Variants in NFIB observed in about 807,000 individuals in gnomAD.
The protein encoded by NFIB is nuclear factor I B.
Under a neutral mutation model 61.5 loss-of-function variants are expected in NFIB, and 11 were observed. That is an observed-to-expected ratio of 0.18 (90% CI 0.11 to 0.30). NFIB has a LOEUF of 0.30. Among genes scored for constraint, NFIB ranks in the 10% least tolerant of loss-of-function variants. NFIB has a pLI of 1.00. For synonymous variants in NFIB, 260 were observed against 216.5 expected (o/e 1.20, Z -1.76); for missense variants, 471 against 608.9 (o/e 0.77, Z 2.38).
intron 10 of NFIB, among the ~76,000 whole-genome samples, chr9:14,092,469 C>A (rs574506805): frequency 6.6e-6 from 1 of 152,176 alleles, no homozygotes; most frequent in South Asian, 2.1e-4. Flanking sequence ...AAGTCTCCCA[C>A]TTAGCCCTCA....
chr9:14,385,807 G>C (rs923668219), intron 1 of NFIB, among the ~76,000 whole-genome samples: 3 of 146,394 alleles, frequency 2.0e-5, no homozygotes, highest in Admixed American at 1.4e-4. Context: ...TTTTGAAACA[G>C]AGTGTTTCTC....
At chr9:14,371,699 C>A (rs1448493290) in intron 1 of NFIB, among the ~76,000 whole-genome samples, 1 of 152,202 alleles carries the variant, frequency 6.6e-6, no homozygotes, top group Admixed American at 6.5e-5. Flanking sequence ...GATCTGGCCA[C>A]AGGAGTGGCC....
intron 1 of NFIB, chr9:14,357,435 T>C (rs889052249): frequency 6.6e-6 from 1 of 152,232 alleles, no homozygotes; most frequent in Admixed American, 6.5e-5. Context: ...CAGTCACCCC[T>C]GTGCAGTGAT....
intron 1 of NFIB, chr9:14,361,946 C>T (rs914496113): frequency 6.6e-6 from 1 of 152,106 alleles, no homozygotes; most frequent in Non-Finnish European, 1.5e-5. Flanking sequence ...AGCAAGTTTG[C>T]TTTTTCCTTA....
At chr9:14,250,927 T>C (rs2055535750) in intron 2 of NFIB, among the ~76,000 whole-genome samples, 1 of 152,210 alleles carries the variant, frequency 6.6e-6, no homozygotes, top group African/African-American at 2.4e-5. Flanking sequence ...AATAAAAGTT[T>C]TTTTGAAAAT....
intron 2 of NFIB, among the ~76,000 whole-genome samples, chr9:14,214,172 C>G (rs536343003): frequency 2.6e-5 from 4 of 152,148 alleles, no homozygotes; most frequent in Non-Finnish European, 5.9e-5. Flanking sequence ...AAAGAGAGAA[C>G]CTGCACTTCT....
At chr9:14,512,070 T>C in the NFIB span, among the ~76,000 whole-genome samples, 1 of 152,216 alleles carries the variant, frequency 6.6e-6, no homozygotes, top group Admixed American at 6.5e-5. Flanking sequence ...GTCTGGTTTA[T>C]TACTAATTAT....
intron 2 of NFIB, among the ~76,000 whole-genome samples, chr9:14,224,841 A>T (rs947684223): frequency 6.6e-6 from 1 of 152,236 alleles, no homozygotes; most frequent in African/African-American, 2.4e-5. Flanking sequence ...ATAGGAATAC[A>T]GTATCTTCCC....
At chr9:14,324,451 G>A (rs1444330774) in intron 1 of NFIB, among the ~76,000 whole-genome samples, 1 of 152,132 alleles carries the variant, frequency 6.6e-6, no homozygotes, top group Non-Finnish European at 1.5e-5. Context: ...ATGTAAGTGT[G>A]CAACAGAAAG....
the NFIB span, among the ~76,000 whole-genome samples, chr9:14,518,170 T>C: frequency 0.053 from 8,074 of 152,274 alleles, 323 homozygotes; most frequent in African/African-American, 0.11. Flanking sequence ...ATGGCCTAAA[T>C]GATAAGACAT....
At chr9:14,273,158 A>C (rs1043236161) in intron 2 of NFIB, among the ~76,000 whole-genome samples, 2 of 152,174 alleles carry the variant, frequency 1.3e-5, no homozygotes, top group Non-Finnish European at 2.9e-5. Context: ...TCCCAGTTTT[A>C]AACTCCACAG....
chr9:14,287,359 A>T (rs1162649618), intron 2 of NFIB, among the ~76,000 whole-genome samples: 1 of 35,580 alleles, frequency 2.8e-5, no homozygotes, highest in East Asian at 5.3e-4. Flanking sequence ...TGAACCCGGG[A>T]GGCGGCTTGC....
intron 1 of NFIB, among the ~76,000 whole-genome samples, chr9:14,308,719 A>G (rs780311592): frequency 5.5e-4 from 84 of 152,222 alleles, no homozygotes; most frequent in Non-Finnish European, 8.7e-4. Context: ...GAATTTGCAG[A>G]TACATAGATT....
the NFIB span, among the ~76,000 whole-genome samples, chr9:14,443,921 C>T: frequency 6.6e-6 from 1 of 152,170 alleles, no homozygotes; most frequent in Non-Finnish European, 1.5e-5. Flanking sequence ...ATTTCTGTCA[C>T]TGTCCATTGT....
chr9:14,270,579 C>CAAA (rs147823074), intron 2 of NFIB, among the ~76,000 whole-genome samples: 6 of 54,406 alleles, frequency 1.1e-4, no homozygotes, highest in African/African-American at 3.6e-4. Flanking sequence ...CCTTAGATCA[C>CAAA]AAAAAAAAAA....
chr9:14,181,405 G>C (rs796638930), intron 2 of NFIB, among the ~76,000 whole-genome samples: 1 of 152,150 alleles, frequency 6.6e-6, no homozygotes, highest in South Asian at 2.1e-4. Context: ...AAGACAGTCA[G>C]AGAGCTGAGA....
chr9:14,237,650 C>T (rs10756542), intron 2 of NFIB, among the ~76,000 whole-genome samples: 1 of 151,828 alleles, frequency 6.6e-6, no homozygotes, highest in African/African-American at 2.4e-5. Flanking sequence ...TTAAATAACT[C>T]CCAAATAGCC....
rs1034948540 is a variant in NFIB, at chr9:14,083,915, T to C, written c.*4394A>G. ...CTGTGAAACTTAACCTTAAATACCA[T>C]CACGTAACAATCACAAAAACTTTTG... On this transcript the variant is annotated 3_prime_UTR_variant, in exon 11 of 11. Transcript: ENST00000380953. 4.5e-6 allele frequency: 1 copy of C among 223,388 alleles called. No individual in the cohort carries two copies. The highest frequency in any genetic ancestry group is 2.2e-5 in the African/African-American group (1 of 44,682). 13.8% of individuals were successfully genotyped at this position (223,388 alleles called of 1,614,324 possible). A position where few individuals can be genotyped will look rare whatever the true frequency, so the allele number is the denominator to read the frequency against.
At chr9:14,422,074 A>G in the NFIB span, among the ~76,000 whole-genome samples, 2 of 152,220 alleles carry the variant, frequency 1.3e-5, no homozygotes, top group South Asian at 2.1e-4. Context: ...ATAATCATAT[A>G]AACAGGCTAG....
Sources: allele counts gnomAD v4.1 joint callset (sites outside exome capture counted in the v4.1 genomes callset), GRCh38; gene constraint gnomAD v4.1.1; transcripts MANE v1.5; gene names NCBI Gene and HGNC (gene_info 2026-07-23, HGNC 2026-07-21).